The following PPP1R3A variants were observed in gnomAD, a reference collection of about 807,000 sequenced individuals.
PPP1R3A encodes RG1.
PPP1R3A carries 29 observed loss-of-function variants against 41.7 expected under a neutral mutation model. That is an observed-to-expected ratio of 0.70 (90% CI 0.52 to 0.95). The LOEUF is 0.95. Among genes scored for constraint, PPP1R3A ranks in the 40% least tolerant of loss-of-function variants. The probability of loss-of-function intolerance (pLI) is 0.00; values close to 1 mark genes in which losing one functional copy is unlikely to be tolerated. For synonymous variants in PPP1R3A, 485 were observed against 453.4 expected (o/e 1.07, Z -0.89); for missense variants, 1,352 against 1,292.4 (o/e 1.05, Z -0.71).
intron 1 of PPP1R3A, among the ~76,000 whole-genome samples, chr7:113,900,045 T>A (rs1243275827): frequency 7.4e-6 from 1 of 135,236 alleles, no homozygotes; most frequent in East Asian, 2.0e-4. Context: ...CTCTCCATAC[T>A]TCAATGAATT....
rs577718409 is a variant in PPP1R3A, at chr7:113,884,067, A to G, written c.783-1747T>C. The stretch of plus-strand genomic sequence containing the variant: ...TGAAATTTAAATATATGAAATATCT[A>G]TAAACAAAAACAGAAAATACGTAAG... On this transcript the variant is annotated intron_variant, in intron 1 of 3. Transcript: ENST00000284601. Among the ~76,000 whole-genome samples the G allele has an allele frequency of 8.5e-5, 13 of 152,110 alleles. No homozygotes were observed. In the South Asian group the frequency reaches 2.7e-3, roughly 31 times the overall value.
Position 113,918,482 on chromosome 7 carries a change from A to T in PPP1R3A, c.515T>A (p.Ile172Asn). 6.2e-7 allele frequency: 1 copy of T among 1,613,300 alleles called. No homozygotes were observed. Among genetic ancestry groups the T allele is most frequent in the Non-Finnish European group, 8.5e-7 (1 of 1,179,692 alleles). The change falls in exon 1 of 4, where the codon ATT becomes AAT. Residue 172 changes from isoleucine to asparagine, a missense_variant. Ile to Asn is a moderately radical substitution (Grantham distance 149). Transcript: ENST00000284601. Reference sequence around the variant, plus strand: ...TGAATTAGGAACATATTCTGCTAAAATGTCATAATGTGTCTGCCAGTCATC... The same window carrying T: ...TGAATTAGGAACATATTCTGCTAAATTGTCATAATGTGTCTGCCAGTCATC... Reference protein sequence around the residue: ...SLDDWQTHYDILAEYVPNSCD... With the variant: ...SLDDWQTHYDNLAEYVPNSCD...
chr7:113,917,114 T>C (rs1418663260), intron 1 of PPP1R3A, among the ~76,000 whole-genome samples: 1 of 152,144 alleles, frequency 6.6e-6, no homozygotes, highest in East Asian at 1.9e-4. Flanking sequence ...TATCTTATGC[T>C]TTGTATTAAA....
Position 113,918,929 on chromosome 7 carries a change from T to A in PPP1R3A, c.68A>T (p.Asp23Val), listed in dbSNP as rs562084168. 1 of 1,612,314 alleles carries A rather than the reference T, an allele frequency of 6.2e-7. No individual in the cohort carries two copies. The highest frequency in any genetic ancestry group is 1.1e-5 in the South Asian group (1 of 90,956). ...AACTTCTTCATCTTCACAAAGAGAG[T>A]CAGATAAATTAGGAACTTCTAAAAA... ...DNFLEVPNLS[D>V]SLCEDEEVTF... The change falls in exon 1 of 4, where the codon GAC becomes GTC. Residue 23 changes from aspartate (D) to valine (V), a missense_variant. Physicochemically the swap from Asp to Val is radical, Grantham distance 152. Coordinates refer to ENST00000284601, the MANE Select transcript of PPP1R3A (RefSeq NM_002711.4).
intron 1 of PPP1R3A, among the ~76,000 whole-genome samples, chr7:113,914,002 A>G (rs889302206): frequency 2.6e-5 from 4 of 152,048 alleles, no homozygotes; most frequent in Non-Finnish European, 5.9e-5. Context: ...CCTGACATAC[A>G]GTTCTTTAGT....
Position 113,887,263 on chromosome 7 carries a change from A to T in PPP1R3A, c.783-4943T>A, listed in dbSNP as rs558530896. The stretch of plus-strand genomic sequence containing the variant: ...ATTTTAAAATCATTATAATTTTAGA[A>T]ATTAAAAAGTAAAAAAGAAATTAAT... On this transcript the variant is annotated intron_variant, in intron 1 of 3. Coordinates refer to ENST00000284601, the MANE Select transcript of PPP1R3A (RefSeq NM_002711.4). Among the ~76,000 whole-genome samples, 12 of 152,212 alleles carry T rather than the reference A, an allele frequency of 7.9e-5. No individual in the cohort carries two copies. The East Asian group carries it at 2.3e-3, about 29-fold the overall frequency.
At chr7:113,903,342 T>TA (rs1797096240) in intron 1 of PPP1R3A, among the ~76,000 whole-genome samples, 1 of 151,734 alleles carries the variant, frequency 6.6e-6, no homozygotes, top group South Asian at 2.1e-4. Context: ...CTTATTTATA[T>TA]AAAAAATGAC....
At position 113,879,460 on chromosome 7, in the gene PPP1R3A, C is replaced by T; in HGVS notation, c.1632G>A (p.Lys544=). The change falls in exon 4 of 4, where the codon AAG becomes AAA. Residue 544 remains lysine (K), a synonymous_variant. Coordinates refer to ENST00000284601, the MANE Select transcript of PPP1R3A (RefSeq NM_002711.4). ...FQTILHDQER[K]MGNPKISVAG... Reference sequence around the variant, plus strand: ...CCACACTTATTTTAGGGTTACCCATCTTCCTTTCTTGGTCATGTAAGATTG... The same window carrying T: ...CCACACTTATTTTAGGGTTACCCATTTTCCTTTCTTGGTCATGTAAGATTG... The T allele has an allele frequency of 6.2e-7, 1 of 1,613,492 alleles. No homozygotes were observed. Among genetic ancestry groups the T allele is most frequent in the Non-Finnish European group, 8.5e-7 (1 of 1,179,716 alleles).
chr7:113,894,350 T>C (rs1202851605), intron 1 of PPP1R3A, among the ~76,000 whole-genome samples: 1 of 152,018 alleles, frequency 6.6e-6, no homozygotes, highest in African/African-American at 2.4e-5. Flanking sequence ...TTTTCAGCTA[T>C]GGATACTGGA....
Position 113,895,916 on chromosome 7 carries a change from C to A in PPP1R3A, c.783-13596G>T, listed in dbSNP as rs139703426. ...ATCTTAATGCACCTTTTTGTCAATTCTTCACAATAGTATTACAAAAGGAAG... is the reference window on the plus strand; with the variant it reads ...ATCTTAATGCACCTTTTTGTCAATTATTCACAATAGTATTACAAAAGGAAG... On this transcript the variant is annotated intron_variant, in intron 1 of 3. Transcript: ENST00000284601. Among the ~76,000 whole-genome samples, 234 of 151,896 alleles carry A rather than the reference C, an allele frequency of 1.5e-3. 1 individual carries two copies. In the Middle Eastern group the frequency reaches 0.024, roughly 16 times the overall value.
chr7:113,886,675 T>A (rs1489945309), intron 1 of PPP1R3A, among the ~76,000 whole-genome samples: 2 of 152,172 alleles, frequency 1.3e-5, no homozygotes, highest in Non-Finnish European at 2.9e-5. Flanking sequence ...ATATAAATAG[T>A]TCAATTCTAG....
At chr7:113,915,179 C>T (rs1797317988) in intron 1 of PPP1R3A, among the ~76,000 whole-genome samples, 1 of 152,056 alleles carries the variant, frequency 6.6e-6, no homozygotes, top group Non-Finnish European at 1.5e-5. Context: ...TACAGACTAT[C>T]AGGCATCAAA....
chr7:113,880,208 G>A (rs1255927959), intron 3 of PPP1R3A, 83 bp from the exon 4 acceptor site: 26 of 1,177,886 alleles, frequency 2.2e-5, no homozygotes, highest in Admixed American at 4.7e-5. Context: ...TTATTAACTC[G>A]GCTAGTAATT....
chr7:113,890,434 G>A (rs543682678), intron 1 of PPP1R3A, among the ~76,000 whole-genome samples: 10 of 152,232 alleles, frequency 6.6e-5, no homozygotes, highest in Admixed American at 4.6e-4. Context: ...ATTTTTAACT[G>A]GAACCTCAGA....
intron 1 of PPP1R3A, among the ~76,000 whole-genome samples, chr7:113,891,802 C>A (rs770570378): frequency 1.4e-4 from 22 of 151,886 alleles, no homozygotes; most frequent in Non-Finnish European, 2.5e-4. Context: ...CCTATAATGC[C>A]ATTGTGCTAA....
At chr7:113,881,856 C>T (rs1477489935) in intron 3 of PPP1R3A, among the ~76,000 whole-genome samples, 183 bp downstream of exon 3, 1 of 151,992 alleles carries the variant, frequency 6.6e-6, no homozygotes, top group African/African-American at 2.4e-5. Flanking sequence ...CTGCAGAGAC[C>T]AGAAGCAACA....
chr7:113,879,484 T>A lies in PPP1R3A; in HGVS notation c.1608A>T (p.Thr536=). ...VNEKQRKNFQ[T]ILHDQERKMG... is the part of the protein sequence containing the mutation. Reference sequence around the variant, plus strand: ...TCTTCCTTTCTTGGTCATGTAAGATTGTTTGGAAATTTTTTCTTTGTTTTT... The same window carrying A: ...TCTTCCTTTCTTGGTCATGTAAGATAGTTTGGAAATTTTTTCTTTGTTTTT... The change falls in exon 4 of 4, where the codon ACA becomes ACT. Residue 536 remains threonine, a synonymous_variant. Transcript: ENST00000284601. 7 of 1,613,290 alleles carry A rather than the reference T, an allele frequency of 4.3e-6. No homozygotes were observed. The highest frequency in any genetic ancestry group is 5.9e-6 in the Non-Finnish European group (7 of 1,179,610).
chr7:113,879,473 T>C lies in PPP1R3A; in HGVS notation c.1619A>G (p.Asp540Gly). Residue 540 changes from aspartate to glycine, a missense_variant, in exon 4 of 4, where the codon GAC becomes GGC. Physicochemically the swap from Asp to Gly is moderately conservative, Grantham distance 94 (BLOSUM62 -1). Coordinates refer to ENST00000284601, the MANE Select transcript of PPP1R3A (RefSeq NM_002711.4). ...QRKNFQTILH[D>G]QERKMGNPKI... ...AGGGTTACCCATCTTCCTTTCTTGG[T>C]CATGTAAGATTGTTTGGAAATTTTT... 6.2e-7 allele frequency: 1 copy of C among 1,613,456 alleles called. No homozygotes were observed. The highest frequency in any genetic ancestry group is 8.5e-7 in the Non-Finnish European group (1 of 1,179,684).
In PPP1R3A at chr7:113,879,295, C is replaced by G. The variant is rs538196346; in HGVS notation, c.1797G>C (p.Glu599Asp). 2.5e-6 allele frequency: 4 copies of G among 1,613,530 alleles called. No individual in the cohort carries two copies. The African/African-American group carries it at 5.3e-5, about 22-fold the overall frequency. ...TGCCTTCACTAGTCAAATGATGATG[C>G]TCTGGGGTTAACACAGCTTCTTCCC... ...LSWEEAVLTPEHHHLTSEGSA... is the reference protein window; with the variant it reads ...LSWEEAVLTPDHHHLTSEGSA... The change falls in exon 4 of 4, where the codon GAG (glutamate) becomes GAC (aspartate). Residue 599 changes from glutamate to aspartate, a missense_variant. Coordinates refer to ENST00000284601, the MANE Select transcript of PPP1R3A (RefSeq NM_002711.4).
Sources: gnomAD v4.1 joint callset for allele counts (sites outside exome capture counted in the v4.1 genomes callset) on GRCh38, gnomAD v4.1.1 for gene constraint, MANE v1.5 for transcripts, NCBI Gene and HGNC (gene_info 2026-07-23, HGNC 2026-07-21) for gene names.